DYRK1A: variants seen among roughly 807,000 people sequenced by gnomAD.
DYRK1A encodes dual specificity tyrosine-phosphorylation-regulated kinase 1A.
Under a neutral mutation model 79.7 loss-of-function variants are expected in DYRK1A, and 9 were observed. The observed-to-expected ratio is 0.11, with a 90% CI of 0.07 to 0.20. The LOEUF is 0.20. Ranked by LOEUF, DYRK1A falls within the 10% of genes least tolerant of loss-of-function variation. The pLI, the probability that DYRK1A is intolerant of heterozygous loss-of-function variation, is 1.00. For synonymous variants in DYRK1A, 349 were observed against 329.7 expected, an observed-to-expected ratio of 1.06 and a Z score of -0.63; for missense variants, 622 against 956.0, an observed-to-expected ratio of 0.65 and a Z score of 4.61.
chr21:37,436,522 C>A (rs2050929710), intron 2 of DYRK1A, among the ~76,000 whole-genome samples: 1 of 152,180 alleles, frequency 6.6e-6, no homozygotes, highest in South Asian at 2.1e-4. Flanking sequence ...AAGCATAGGA[C>A]TCTTTTGCCT....
At chr21:37,420,484 T>TG (rs143066663) in intron 2 of DYRK1A, 100 bp downstream of exon 2, 4 of 1,205,458 alleles carry the variant, frequency 3.3e-6, no homozygotes, top group East Asian at 4.8e-5. Flanking sequence ...TAGCAGTTAG[T>TG]GGGGGGAATT....
intron 2 of DYRK1A, among the ~76,000 whole-genome samples, chr21:37,443,392 G>A (rs964459746): frequency 2.0e-5 from 3 of 152,070 alleles, no homozygotes; most frequent in South Asian, 2.1e-4. Context: ...TCCCCCACCC[G>A]TATGGGTTGT....
At chr21:37,477,505 T>G (rs2052443319) in intron 3 of DYRK1A, among the ~76,000 whole-genome samples, 1 of 152,086 alleles carries the variant, frequency 6.6e-6, no homozygotes, top group Admixed American at 6.6e-5. Context: ...TCATCTGTTG[T>G]AATTGCTGTG....
At position 37,389,795 on chromosome 21, in the gene DYRK1A, C is replaced by T. The variant is rs80311872; in HGVS notation, c.-77+22167C>T. Among the ~76,000 whole-genome samples the T allele has an allele frequency of 9.0e-4, 137 of 152,138 alleles. 1 individual carries two copies. The East Asian group carries it at 0.021, about 23-fold the overall frequency. On this transcript the variant is annotated intron_variant, in intron 1 of 11. Coordinates refer to ENST00000647188, the MANE Select transcript of DYRK1A (RefSeq NM_001347721.2). ...AGGTTTTATGGCAGTGCTCTTGGGT[C>T]TCAGGTTGGGGTTGTGAATCCCATG...
At chr21:37,398,125 T>C (rs1050480446) in intron 1 of DYRK1A, among the ~76,000 whole-genome samples, 1 of 148,090 alleles carries the variant, frequency 6.8e-6, no homozygotes, top group Non-Finnish European at 1.5e-5. Context: ...TTTATATTTA[T>C]ATATGTGTAT....
chr21:37,524,522 G>A lies in DYRK1A; in HGVS notation c.*11991G>A, dbSNP rs575507389. 6.6e-6 allele frequency: 1 copy of A among 152,324 alleles called. No homozygotes were observed. The highest frequency in any genetic ancestry group is 1.9e-4 in the East Asian group (1 of 5,186). 9.4% of individuals were successfully genotyped at this position (152,324 alleles called of 1,614,324 possible). A position where few individuals can be genotyped will look rare whatever the true frequency, so the allele number is the denominator to read the frequency against. On this transcript the variant is annotated 3_prime_UTR_variant, in exon 12 of 12. Coordinates refer to ENST00000647188, the MANE Select transcript of DYRK1A (RefSeq NM_001347721.2). ...AATTAAATCATGCTTGATTACTGCA[G>A]CTGAAGAAACATGCTCAGAGAAAGT...
intron 6 of DYRK1A, chr21:37,488,494 T>C (rs1174240597): frequency 1.4e-5 from 12 of 845,462 alleles, no homozygotes; most frequent in Non-Finnish European, 1.7e-5. Context: ...AAATTTCTTA[T>C]CTGGATTATT....
chr21:37,451,427 C>A (rs1160231199), intron 2 of DYRK1A, among the ~76,000 whole-genome samples: 4 of 135,020 alleles, frequency 3.0e-5, no homozygotes, highest in Non-Finnish European at 6.2e-5. Context: ...TTCCTGTAAA[C>A]GCCCACACAA....
At chr21:37,475,316 G>A (rs1220860781) in intron 3 of DYRK1A, among the ~76,000 whole-genome samples, 3 of 152,216 alleles carry the variant, frequency 2.0e-5, no homozygotes, top group Non-Finnish European at 4.4e-5. Flanking sequence ...TTAACTTTTT[G>A]CTGTAGAAGG....
At chr21:37,435,075 GA>G (rs1177680809) in intron 2 of DYRK1A, among the ~76,000 whole-genome samples, 1 of 152,170 alleles carries the variant, frequency 6.6e-6, no homozygotes, top group Non-Finnish European at 1.5e-5. Context: ...GAGTAAAGTA[GA>G]ATATGTTTCT....
At chr21:37,454,435 T>C (rs898044202) in intron 2 of DYRK1A, among the ~76,000 whole-genome samples, 3 of 152,126 alleles carry the variant, frequency 2.0e-5, no homozygotes, top group African/African-American at 7.2e-5. Context: ...GGTTGACACA[T>C]AGACATGGAG....
chr21:37,371,215 T>C (rs2049422441), intron 1 of DYRK1A, among the ~76,000 whole-genome samples: 1 of 152,208 alleles, frequency 6.6e-6, no homozygotes. Flanking sequence ...CCATAGAGTG[T>C]TTGAAAGTGA....
At chr21:37,377,507 C>T (rs2049570646) in intron 1 of DYRK1A, among the ~76,000 whole-genome samples, 1 of 152,110 alleles carries the variant, frequency 6.6e-6, no homozygotes, top group South Asian at 2.1e-4. Context: ...GTCTCGCTGT[C>T]ACTGAGGCTG....
chr21:37,456,426 G>T (rs1162494247), intron 2 of DYRK1A: 2 of 152,108 alleles, frequency 1.3e-5, no homozygotes, highest in African/African-American at 2.4e-5. Context: ...ATTTTTCCTG[G>T]ACTTCTTACT....
chr21:37,419,175 A>G (rs1426082471), intron 1 of DYRK1A: 8 of 152,198 alleles, frequency 5.3e-5, no homozygotes, highest in Admixed American at 5.2e-4. Context: ...AGTGTGAATT[A>G]TTTTAGTCCA....
At chr21:37,378,550 G>A (rs920771212) in intron 1 of DYRK1A, among the ~76,000 whole-genome samples, 1 of 152,046 alleles carries the variant, frequency 6.6e-6, no homozygotes, top group East Asian at 1.9e-4. Flanking sequence ...CAAAACAAAA[G>A]TATTTTTTGG....
chr21:37,465,019 T>G (rs1484665169), intron 2 of DYRK1A, among the ~76,000 whole-genome samples: 1 of 152,172 alleles, frequency 6.6e-6, no homozygotes, highest in Non-Finnish European at 1.5e-5. Flanking sequence ...AAATTAAACT[T>G]AGGTTTATTC....
At chr21:37,510,828 A>G (rs1349158713) in intron 11 of DYRK1A, among the ~76,000 whole-genome samples, 1 of 151,952 alleles carries the variant, frequency 6.6e-6, no homozygotes, top group Non-Finnish European at 1.5e-5. Flanking sequence ...TTTCATTCAC[A>G]TTCCATTGAC....
At chr21:37,366,476 C>G (rs996006642), upstream of DYRK1A, among the ~76,000 whole-genome samples, 50 of 149,090 alleles carry the variant, frequency 3.4e-4, no homozygotes, top group East Asian at 5.0e-3. Context: ...GCCTCGCCCC[C>G]CCTTCCCCAG....
Sources: allele counts gnomAD v4.1 joint callset (sites outside exome capture counted in the v4.1 genomes callset), GRCh38; gene constraint gnomAD v4.1.1; transcripts MANE v1.5; gene names NCBI Gene and HGNC (gene_info 2026-07-23, HGNC 2026-07-21).